CMSS1: variants seen among roughly 807,000 people sequenced by gnomAD.
CMSS1 encodes the protein protein CMSS1.
In CMSS1, 33 loss-of-function variants were observed where a neutral mutation model predicts 43.5. The observed-to-expected ratio is 0.76, with a 90% CI of 0.57 to 1.01. CMSS1 has a LOEUF of 1.01. Among genes scored for constraint, CMSS1 ranks in the 50% least tolerant of loss-of-function variants. The pLI, the probability that CMSS1 is intolerant of heterozygous loss-of-function variation, is 0.00. For synonymous variants in CMSS1, 115 were observed against 117.2 expected (o/e 0.98, Z 0.12); for missense variants, 313 against 326.4 (o/e 0.96, Z 0.32).
At chr3:100,082,912 G>A (rs1404627083) in intron 1 of CMSS1, among the ~76,000 whole-genome samples, 6 of 152,316 alleles carry the variant, frequency 3.9e-5, no homozygotes, top group Non-Finnish European at 8.8e-5. Context: ...TCCACAATCT[G>A]TAGAATTAGC....
chr3:99,886,844 C>T (rs1705915730), intron 1 of CMSS1, among the ~76,000 whole-genome samples: 2 of 151,732 alleles, frequency 1.3e-5, no homozygotes, highest in African/African-American at 2.4e-5. Context: ...GTGGTGGACA[C>T]CTGTAATCCC....
intron 1 of CMSS1, among the ~76,000 whole-genome samples, chr3:99,969,575 A>G (rs1708754259): frequency 1.3e-5 from 2 of 152,322 alleles, no homozygotes; most frequent in South Asian, 2.1e-4. Flanking sequence ...CCAACTGGGT[A>G]AAGCAGTGAG....
rs780442992 is a variant in CMSS1, at chr3:99,848,393, A to G, written c.64+30350A>G. ...GTTTTGTTTAGTGCCCCGTTAATTAAGCCTTGAGTTCGGTTATCCTGCAGT... is the reference window on the plus strand; with the variant it reads ...GTTTTGTTTAGTGCCCCGTTAATTAGGCCTTGAGTTCGGTTATCCTGCAGT... On this transcript the variant is annotated intron_variant, in intron 1 of 9. Coordinates refer to ENST00000421999, the MANE Select transcript of CMSS1 (RefSeq NM_032359.4). 64 of 1,614,224 alleles carry G rather than the reference A, an allele frequency of 4.0e-5. 2 individuals are homozygous for G. In the Admixed American group the frequency reaches 6.8e-4, roughly 17 times the overall value.
intron 1 of CMSS1, among the ~76,000 whole-genome samples, chr3:100,139,838 A>T (rs2066790944): frequency 1.3e-5 from 2 of 151,250 alleles, no homozygotes; most frequent in East Asian, 3.9e-4. Flanking sequence ...GTTTCTATAA[A>T]TAAAGTTCAT....
At chr3:99,912,221 T>C (rs1054377685) in intron 1 of CMSS1, among the ~76,000 whole-genome samples, 1 of 152,086 alleles carries the variant, frequency 6.6e-6, no homozygotes, top group African/African-American at 2.4e-5. Context: ...AAAACATTAT[T>C]TTAAGTGAAA....
At chr3:100,077,111 A>C (rs1029426144) in intron 1 of CMSS1, among the ~76,000 whole-genome samples, 3 of 152,230 alleles carry the variant, frequency 2.0e-5, no homozygotes, top group African/African-American at 7.2e-5. Context: ...TGTGTTTTGC[A>C]TTTAGCGTCC....
intron 1 of CMSS1, among the ~76,000 whole-genome samples, chr3:99,853,134 G>C (rs1943787173): frequency 6.6e-6 from 1 of 152,160 alleles, no homozygotes; most frequent in Admixed American, 6.5e-5. Context: ...TTCTCAAATG[G>C]TCATGGGACT....
At chr3:99,952,903 A>G (rs1476578275) in intron 1 of CMSS1, among the ~76,000 whole-genome samples, 2 of 152,130 alleles carry the variant, frequency 1.3e-5, no homozygotes, top group African/African-American at 2.4e-5. Context: ...ATAGAGGTAT[A>G]CCCCCAAAAT....
At chr3:99,883,977 G>A (rs1488757221) in intron 1 of CMSS1, among the ~76,000 whole-genome samples, 2 of 152,050 alleles carry the variant, frequency 1.3e-5, no homozygotes, top group African/African-American at 2.4e-5. Context: ...GGATTTAGGG[G>A]GTAAACAGTA....
chr3:99,993,151 T>G (rs578162050), intron 1 of CMSS1, among the ~76,000 whole-genome samples: 66 of 152,242 alleles, frequency 4.3e-4, no homozygotes, highest in African/African-American at 1.5e-3. Flanking sequence ...GAGCTTTTTT[T>G]GGGTTTCATA....
At chr3:99,819,325 G>A (rs1942385636) in intron 1 of CMSS1, among the ~76,000 whole-genome samples, 2 of 152,156 alleles carry the variant, frequency 1.3e-5, no homozygotes, top group Non-Finnish European at 2.9e-5. Flanking sequence ...GATGAACAGA[G>A]GCCATTTAAG....
intron 1 of CMSS1, among the ~76,000 whole-genome samples, chr3:100,008,106 C>A (rs1468300303): frequency 6.6e-6 from 1 of 152,106 alleles, no homozygotes; most frequent in Admixed American, 6.5e-5. Flanking sequence ...AACATAATTA[C>A]AATAAATTGC....
At chr3:100,114,065 G>A (rs3796131) in intron 1 of CMSS1, 9,574 of 152,158 alleles carry the variant, frequency 0.063, 365 homozygotes, top group Non-Finnish European at 0.072. Flanking sequence ...TGCAGGTACC[G>A]TGCAGGTGTT....
intron 1 of CMSS1, among the ~76,000 whole-genome samples, chr3:100,069,213 G>A (rs1052276704): frequency 1.3e-5 from 2 of 152,130 alleles, no homozygotes; most frequent in Non-Finnish European, 2.9e-5. Context: ...TTAAAAAGGT[G>A]CAATTCTATT....
chr3:99,863,330 C>T (rs766141499), intron 1 of CMSS1, among the ~76,000 whole-genome samples: 71 of 152,280 alleles, frequency 4.7e-4, no homozygotes, highest in Non-Finnish European at 7.8e-4. Flanking sequence ...TCACCTCCTG[C>T]TATGTGACCC....
chr3:99,965,897 G>A (rs942699078), intron 1 of CMSS1, among the ~76,000 whole-genome samples: 1 of 152,104 alleles, frequency 6.6e-6, no homozygotes, highest in African/African-American at 2.4e-5. Context: ...GCCGCCACTG[G>A]ACCATTTCTG....
chr3:99,837,863 T>G (rs1220195070), intron 1 of CMSS1, among the ~76,000 whole-genome samples: 5 of 152,228 alleles, frequency 3.3e-5, no homozygotes, highest in African/African-American at 1.2e-4. Flanking sequence ...GTGGTGCTTG[T>G]CTTTATAGTG....
intron 1 of CMSS1, among the ~76,000 whole-genome samples, chr3:99,940,989 T>A (rs1707833346): frequency 6.6e-6 from 1 of 152,210 alleles, no homozygotes; most frequent in African/African-American, 2.4e-5. Context: ...GCCATTTGGC[T>A]CCCCTTTCCC....
At position 100,116,994 on chromosome 3, in the gene CMSS1, T is replaced by C. The variant is rs557469247; in HGVS notation, c.65-29979T>C. Among the ~76,000 whole-genome samples, 40 of 152,260 alleles carry C rather than the reference T, an allele frequency of 2.6e-4. 1 individual carries two copies. The South Asian group carries it at 8.1e-3, about 31-fold the overall frequency. On this transcript the variant is annotated intron_variant, in intron 1 of 9. Coordinates refer to ENST00000421999, the MANE Select transcript of CMSS1 (RefSeq NM_032359.4). ...AAGTATCTGTATCTTCATGGCAAGG[T>C]AGGTATTAGAAATCATCATGCAATC...
Sources: gnomAD v4.1 joint callset for allele counts (sites outside exome capture counted in the v4.1 genomes callset) on GRCh38, gnomAD v4.1.1 for gene constraint, MANE v1.5 for transcripts, NCBI Gene and HGNC (gene_info 2026-07-23, HGNC 2026-07-21) for gene names.